The following TMTC1 variants were observed in gnomAD, a reference collection of about 807,000 sequenced individuals.
TMTC1 encodes protein O-mannosyl-transferase TMTC1.
A neutral mutation model predicts 104.8 loss-of-function variants in TMTC1; 73 were observed. The observed-to-expected ratio is 0.70, with a 90% CI of 0.58 to 0.85. The LOEUF (loss-of-function observed/expected upper bound fraction) is 0.85. TMTC1 is among the 40% of genes least tolerant of loss of function. The pLI is 0.00. For missense variants in TMTC1, 1,035 were observed against 1,096.1 expected, an observed-to-expected ratio of 0.94 and a Z score of 0.79; for synonymous variants, 434 against 428.7, an observed-to-expected ratio of 1.01 and a Z score of -0.15.
intron 5 of TMTC1, among the ~76,000 whole-genome samples, chr12:29,657,580 GA>G (rs1214679521): frequency 2.3e-3 from 1 of 432 alleles, no homozygotes; most frequent in Non-Finnish European, 6.6e-3. Context: ...AGATTTGTTT[GA>G]TACAAACACG....
intron 5 of TMTC1, among the ~76,000 whole-genome samples, chr12:29,642,225 C>T (rs1372553439): frequency 6.6e-6 from 1 of 152,134 alleles, no homozygotes; most frequent in Non-Finnish European, 1.5e-5. Context: ...CATCCAAACA[C>T]AAGAAGCACA....
chr12:29,605,171 CTG>C lies in TMTC1; in HGVS notation c.1129-874_1129-873del, dbSNP rs1247107574. Among the ~76,000 whole-genome samples the C allele has an allele frequency of 1.2e-4, 19 of 152,066 alleles. No homozygotes were observed. The East Asian group carries it at 3.7e-3, about 29-fold the overall frequency. On this transcript the variant is annotated intron_variant, in intron 6 of 17. Transcript: ENST00000539277. ...AAGTTTAAGAAAAAAACCAAATAGA[CTG>C]TCCATATTTCAACTTTTAATGTTTC...
chr12:29,719,272 C>T (rs184910974), intron 5 of TMTC1, among the ~76,000 whole-genome samples: 279 of 152,242 alleles, frequency 1.8e-3, no homozygotes, highest in African/African-American at 6.5e-3. Flanking sequence ...GTTTTGTTCA[C>T]TCGTGCATTT....
intron 5 of TMTC1, among the ~76,000 whole-genome samples, chr12:29,691,366 T>C (rs1010330676): frequency 1.3e-5 from 2 of 151,930 alleles, no homozygotes; most frequent in East Asian, 1.9e-4. Flanking sequence ...TAATCAGCAC[T>C]CCCCACTTCG....
chr12:29,755,757 A>G lies in TMTC1; in HGVS notation c.683T>C (p.Val228Ala). 6.2e-7 allele frequency: 1 copy of G among 1,614,050 alleles called. No homozygotes were observed. The highest frequency in any genetic ancestry group is 8.5e-7 in the Non-Finnish European group (1 of 1,179,996). ...VKETGITVFGVCLVYDLFSLS... is the reference protein window; with the variant it reads ...VKETGITVFGACLVYDLFSLS... ...GGAAAAGAGGTCATAAACCAAGCAC[A>G]CTCCAAACACCGTGATGCCTGTCTC... The change falls in exon 4 of 18, where the codon GTG becomes GCG. Residue 228 changes from valine to alanine, a missense_variant. Val to Ala is a moderately conservative substitution (Grantham distance 64). Coordinates refer to ENST00000539277, the MANE Select transcript of TMTC1 (RefSeq NM_001193451.2).
chr12:29,636,873 C>G (rs1483574731), intron 5 of TMTC1, among the ~76,000 whole-genome samples: 2 of 149,020 alleles, frequency 1.3e-5, no homozygotes, highest in East Asian at 4.0e-4. Flanking sequence ...AGCAAGACCT[C>G]ATCTCTACAA....
At chr12:29,657,321 A>G (rs1421541816) in intron 5 of TMTC1, among the ~76,000 whole-genome samples, 1 of 152,254 alleles carries the variant, frequency 6.6e-6, no homozygotes, top group African/African-American at 2.4e-5. Flanking sequence ...GAGCTGGCAC[A>G]GCTAAAAATA....
chr12:29,561,483 T>C (rs528644632), intron 9 of TMTC1, among the ~76,000 whole-genome samples: 1 of 152,310 alleles, frequency 6.6e-6, no homozygotes, highest in South Asian at 2.1e-4. Flanking sequence ...AAAATAATCA[T>C]GGTGTCTCTG....
chr12:29,754,658 G>A lies in TMTC1; in HGVS notation c.731+1051C>T, dbSNP rs116557844. Among the ~76,000 whole-genome samples the A allele has an allele frequency of 5.8e-3, 889 of 152,292 alleles. 12 individuals carry two copies. The highest frequency in any genetic ancestry group is 0.019 in the African/African-American group (804 of 41,558). On this transcript the variant is annotated intron_variant, in intron 4 of 17. Coordinates refer to ENST00000539277, the MANE Select transcript of TMTC1 (RefSeq NM_001193451.2). ...CACATAGGCCAAAGGGAGGGCCTCT[G>A]GCTCACGGTTTTCTTGGCACGAGTT... is the stretch of plus-strand genomic sequence containing the variant.
chr12:29,527,588 T>A lies in TMTC1; in HGVS notation c.1786-6868A>T, dbSNP rs1944385064. Among the ~76,000 whole-genome samples the A allele has an allele frequency of 2.0e-5, 3 of 152,226 alleles. 1 individual carries two copies. In the South Asian group the frequency reaches 6.2e-4, roughly 32 times the overall value. ...GAAAACTATCTGTGGCTACGTGAGA[T>A]CTGAAAAACATCTTTATAACCAAGC... On this transcript the variant is annotated intron_variant, in intron 11 of 17. Transcript: ENST00000539277.
chr12:29,687,836 A>C (rs894914684), intron 5 of TMTC1, among the ~76,000 whole-genome samples: 7 of 152,248 alleles, frequency 4.6e-5, no homozygotes, highest in African/African-American at 1.7e-4. Context: ...ATGTGTGGTG[A>C]GAGGAAGAAC....
At chr12:29,581,294 T>TA (rs750582339) in intron 8 of TMTC1, among the ~76,000 whole-genome samples, 46 of 152,346 alleles carry the variant, frequency 3.0e-4, no homozygotes, top group Middle Eastern at 3.4e-3. Context: ...ACAGTCTTAA[T>TA]AGTCTTTTAA....
At chr12:29,695,271 A>G (rs533542335) in intron 5 of TMTC1, among the ~76,000 whole-genome samples, 1 of 152,118 alleles carries the variant, frequency 6.6e-6, no homozygotes, top group African/African-American at 2.4e-5. Context: ...ATCTGCAAAG[A>G]CCATTTTTTG....
intron 1 of TMTC1, among the ~76,000 whole-genome samples, chr12:29,778,685 A>G (rs772063956): frequency 6.6e-6 from 1 of 152,262 alleles, no homozygotes; most frequent in Non-Finnish European, 1.5e-5. Flanking sequence ...CTGGAAACAG[A>G]AATTCATTGT....
chr12:29,633,337 C>A lies in TMTC1; in HGVS notation c.939-1G>T. ...CAAGAGGTAGGAATAGGTGAGGAAT[C>A]TATAAAGAGAAGAAGAATCACTGAA... On this transcript the variant is annotated splice_acceptor_variant, in intron 5 of 17. Coordinates refer to ENST00000539277, the MANE Select transcript of TMTC1 (RefSeq NM_001193451.2). LOFTEE classifies it high-confidence loss of function. 3 of 1,597,704 alleles carry A rather than the reference C, an allele frequency of 1.9e-6. No homozygotes were observed. Among genetic ancestry groups the A allele is most frequent in the Non-Finnish European group, 2.6e-6 (3 of 1,169,042 alleles).
chr12:29,560,982 C>A (rs977739804), intron 9 of TMTC1, among the ~76,000 whole-genome samples: 1 of 152,116 alleles, frequency 6.6e-6, no homozygotes, highest in Admixed American at 6.5e-5. Flanking sequence ...GACATTGTCT[C>A]ATTTACCCTT....
Position 29,783,251 on chromosome 12 carries a change from A to G in TMTC1, c.302+199T>C, listed in dbSNP as rs574546866. ...CAACTCCCCAGCCGGCGCCTCCCGAACCGCCCCGAGAGCCCAGATTAGCCG... is the reference window on the plus strand; with the variant it reads ...CAACTCCCCAGCCGGCGCCTCCCGAGCCGCCCCGAGAGCCCAGATTAGCCG... On this transcript the variant is annotated intron_variant, in intron 1 of 17. Transcript: ENST00000539277. This position sits in a 1 kb window ranked among gnomAD's most constrained non-coding sequence, Gnocchi z 4.7. Among the ~76,000 whole-genome samples the G allele has an allele frequency of 2.6e-5, 4 of 152,158 alleles. No individual in the cohort carries two copies. In the East Asian group the frequency reaches 7.8e-4, roughly 30 times the overall value.
intron 5 of TMTC1, among the ~76,000 whole-genome samples, chr12:29,675,366 T>G (rs2033039): frequency 1 from 151,971 of 152,248 alleles, 75,847 homozygotes; most frequent in Middle Eastern, 1. Flanking sequence ...AAGCTGGATT[T>G]TCATCCAGTG....
At chr12:29,773,599 A>G (rs1943642856) in intron 1 of TMTC1, among the ~76,000 whole-genome samples, 2 of 152,134 alleles carry the variant, frequency 1.3e-5, no homozygotes, top group South Asian at 4.1e-4. Flanking sequence ...ACATGTGGTG[A>G]CCCAAGCCTG....
Sources: gnomAD v4.1 joint callset for allele counts (sites outside exome capture counted in the v4.1 genomes callset) on GRCh38, gnomAD v4.1.1 for gene constraint, Gnocchi (gnomAD v3.1) non-coding constraint, MANE v1.5 for transcripts, NCBI Gene and HGNC (gene_info 2026-07-23, HGNC 2026-07-21) for gene names.